The following MAGI2 variants were observed in gnomAD, a reference collection of about 807,000 sequenced individuals.
MAGI2 encodes the protein membrane associated guanylate kinase, WW and PDZ domain containing 2.
A neutral mutation model predicts 133.3 loss-of-function variants in MAGI2; 35 were observed. The ratio of observed to expected loss-of-function variants is 0.26; its 90% confidence interval spans 0.20 to 0.35. The LOEUF (loss-of-function observed/expected upper bound fraction) is 0.35. Ranked by LOEUF, MAGI2 falls within the 10% of genes least tolerant of loss-of-function variation. MAGI2 has a pLI of 1.00. For synonymous variants in MAGI2, 729 were observed against 710.6 expected, an observed-to-expected ratio of 1.03 and a Z score of -0.41; for missense variants, 1,636 against 1,863.4, an observed-to-expected ratio of 0.88 and a Z score of 2.25.
intron 6 of MAGI2, among the ~76,000 whole-genome samples, chr7:78,437,594 T>C (rs1191770241): frequency 6.6e-6 from 1 of 152,102 alleles, no homozygotes; most frequent in Non-Finnish European, 1.5e-5. Context: ...GTCAAGGGTA[T>C]ATGAAGAGGT....
At chr7:78,716,046 G>A (rs1819672079) in intron 2 of MAGI2, among the ~76,000 whole-genome samples, 1 of 152,158 alleles carries the variant, frequency 6.6e-6, no homozygotes. Context: ...GGGGCTTTGT[G>A]TATGTAGCTA....
intron 1 of MAGI2, among the ~76,000 whole-genome samples, chr7:79,231,918 C>T (rs146421021): frequency 0.038 from 5,850 of 152,170 alleles, 170 homozygotes; most frequent in African/African-American, 0.078. Flanking sequence ...CAGTATGATG[C>T]TGGCTGTGGG....
chr7:78,913,198 G>A (rs1251968250), intron 2 of MAGI2, among the ~76,000 whole-genome samples: 1 of 152,092 alleles, frequency 6.6e-6, no homozygotes, highest in Non-Finnish European at 1.5e-5. Flanking sequence ...ATCTCATGTT[G>A]AATTATAATC....
At chr7:78,809,755 C>T (rs749091439) in intron 2 of MAGI2, among the ~76,000 whole-genome samples, 2 of 151,882 alleles carry the variant, frequency 1.3e-5, no homozygotes, top group African/African-American at 4.8e-5. Context: ...AAGGAAACAG[C>T]GTGTGAATAA....
chr7:78,474,355 A>G (rs999603262), intron 6 of MAGI2, among the ~76,000 whole-genome samples: 3 of 152,042 alleles, frequency 2.0e-5, no homozygotes, highest in African/African-American at 4.8e-5. Flanking sequence ...TGGGATTTTC[A>G]TTCGGCTATG....
intron 3 of MAGI2, among the ~76,000 whole-genome samples, chr7:78,625,170 C>G (rs1188909693): frequency 6.6e-6 from 1 of 151,860 alleles, no homozygotes; most frequent in Non-Finnish European, 1.5e-5. Context: ...TTTGTTTGAA[C>G]ATTTTAATTA....
chr7:79,382,822 AC>A (rs918926689), intron 1 of MAGI2, among the ~76,000 whole-genome samples: 3 of 151,466 alleles, frequency 2.0e-5, no homozygotes, highest in Admixed American at 1.3e-4. Flanking sequence ...GACCCCTTGA[AC>A]CTTAGGTCTT....
At chr7:78,211,714 C>G (rs1787784466) in intron 10 of MAGI2, among the ~76,000 whole-genome samples, 1 of 152,196 alleles carries the variant, frequency 6.6e-6, no homozygotes, top group Non-Finnish European at 1.5e-5. Context: ...TCTATTTCTA[C>G]AAAGTAGAGG....
At chr7:78,973,663 T>C (rs973359369) in intron 2 of MAGI2, among the ~76,000 whole-genome samples, 1 of 151,900 alleles carries the variant, frequency 6.6e-6, no homozygotes, top group Non-Finnish European at 1.5e-5. Flanking sequence ...CTTTCTTTCC[T>C]TTTCCCCTGC....
intron 1 of MAGI2, among the ~76,000 whole-genome samples, chr7:79,344,964 T>C (rs1841199618): frequency 1.3e-5 from 2 of 152,086 alleles, no homozygotes; most frequent in South Asian, 4.1e-4. Context: ...TCTGGGTAAC[T>C]ATGAGAGACA....
chr7:79,152,125 T>C lies in MAGI2; in HGVS notation c.302-144919A>G, dbSNP rs902686485. The stretch of plus-strand genomic sequence containing the variant: ...TCAGCAGTAAAGAGAAAAGGAATTA[T>C]AGGGAAAAGAGAATGTTCAACTGCC... On this transcript the variant is annotated intron_variant, in intron 1 of 21. Coordinates refer to ENST00000354212, the MANE Select transcript of MAGI2 (RefSeq NM_012301.4). 4.6e-5 allele frequency among the ~76,000 whole-genome samples: 7 copies of C among 152,300 alleles called. No homozygotes were observed. The East Asian group carries it at 1.2e-3, about 25-fold the overall frequency.
chr7:78,666,001 C>A (rs1410044859), intron 2 of MAGI2, among the ~76,000 whole-genome samples: 2 of 152,030 alleles, frequency 1.3e-5, no homozygotes, highest in African/African-American at 4.8e-5. Flanking sequence ...CAACCCTGTT[C>A]GGGCAGTTAG....
intron 6 of MAGI2, among the ~76,000 whole-genome samples, chr7:78,435,542 A>G (rs968900477): frequency 3.3e-5 from 5 of 152,104 alleles, no homozygotes; most frequent in African/African-American, 1.2e-4. Flanking sequence ...CCATAAGCCA[A>G]GAAAACAAAA....
At chr7:79,437,722 C>T (rs773194518) in intron 1 of MAGI2, among the ~76,000 whole-genome samples, 21 of 151,882 alleles carry the variant, frequency 1.4e-4, no homozygotes, top group Admixed American at 1.3e-4. Flanking sequence ...GGTTCTGTGG[C>T]CTTTGAATTA....
At chr7:79,308,558 AT>A (rs1375207022) in intron 1 of MAGI2, among the ~76,000 whole-genome samples, 5 of 152,202 alleles carry the variant, frequency 3.3e-5, no homozygotes, top group African/African-American at 1.2e-4. Context: ...AAAGGTATTC[AT>A]GTCCACAAAC....
At chr7:79,385,692 G>A (rs1027000602) in intron 1 of MAGI2, among the ~76,000 whole-genome samples, 1 of 151,926 alleles carries the variant, frequency 6.6e-6, no homozygotes, top group Non-Finnish European at 1.5e-5. Flanking sequence ...GTGGCGAGGG[G>A]GACGGAAATG....
intron 9 of MAGI2, among the ~76,000 whole-genome samples, chr7:78,263,299 T>C (rs1793693476): frequency 6.6e-6 from 1 of 152,222 alleles, no homozygotes; most frequent in African/African-American, 2.4e-5. Flanking sequence ...TGTGTCTTTT[T>C]GGCAGAACGA....
intron 6 of MAGI2, among the ~76,000 whole-genome samples, chr7:78,397,705 T>G (rs1796485974): frequency 6.6e-6 from 1 of 152,098 alleles, no homozygotes; most frequent in Admixed American, 6.6e-5. Context: ...AAGATTGAGA[T>G]ATAAAAATCA....
chr7:78,749,289 G>C (rs376806464), intron 2 of MAGI2, among the ~76,000 whole-genome samples: 11 of 152,138 alleles, frequency 7.2e-5, no homozygotes, highest in Admixed American at 3.9e-4. Flanking sequence ...AGGTGTCCAA[G>C]CTATAGAGGC....
Sources: allele counts gnomAD v4.1 joint callset (sites outside exome capture counted in the v4.1 genomes callset), GRCh38; gene constraint gnomAD v4.1.1; transcripts MANE v1.5; gene names NCBI Gene and HGNC (gene_info 2026-07-23, HGNC 2026-07-21).